The following PDE8A variants were observed in gnomAD, a reference collection of about 807,000 sequenced individuals.
The protein encoded by PDE8A is high affinity cAMP-specific and IBMX-insensitive 3',5'-cyclic phosphodiesterase 8A.
In PDE8A, 59 loss-of-function variants were observed where a neutral mutation model predicts 105.0. The ratio of observed to expected loss-of-function variants is 0.56; its 90% CI spans 0.46 to 0.70. The LOEUF (loss-of-function observed/expected upper bound fraction) is 0.70, where lower values mean the gene tolerates loss of function less well. PDE8A is among the 30% of genes least tolerant of loss of function. The pLI, the probability that PDE8A is intolerant of heterozygous loss-of-function variation, is 0.00. For missense variants in PDE8A, 1,014 were observed against 1,045.9 expected (o/e 0.97, Z 0.42); for synonymous variants, 355 against 371.9 (o/e 0.95, Z 0.52).
At chr15:85,065,093 T>C (rs2081201285) in intron 2 of PDE8A, among the ~76,000 whole-genome samples, 1 of 152,074 alleles carries the variant, frequency 6.6e-6, no homozygotes, top group African/African-American at 2.4e-5. Context: ...AAATGTTAAT[T>C]GATGAATGTA....
At chr15:85,050,398 T>C (rs563166804) in intron 1 of PDE8A, among the ~76,000 whole-genome samples, 5 of 152,278 alleles carry the variant, frequency 3.3e-5, no homozygotes, top group African/African-American at 1.2e-4. Context: ...CCAAGTCTAG[T>C]GTTGTGAAGA....
chr15:85,036,053 G>A (rs2080701339), intron 1 of PDE8A, among the ~76,000 whole-genome samples: 1 of 152,208 alleles, frequency 6.6e-6, no homozygotes. Flanking sequence ...ATATTTAGAA[G>A]TTATGGAACT....
intron 1 of PDE8A, among the ~76,000 whole-genome samples, chr15:85,053,445 A>G (rs1046511217): frequency 2.6e-5 from 4 of 152,162 alleles, no homozygotes; most frequent in African/African-American, 9.7e-5. Context: ...GATTCTTCCT[A>G]TCTGTGAGCA....
chr15:85,123,441 G>A (rs1376291320), intron 19 of PDE8A, among the ~76,000 whole-genome samples: 2 of 151,648 alleles, frequency 1.3e-5, no homozygotes, highest in African/African-American at 4.9e-5. Context: ...ACAATAGGCT[G>A]TCTGCAAGCT....
intron 1 of PDE8A, among the ~76,000 whole-genome samples, chr15:85,017,650 G>C (rs918048459): frequency 6.6e-6 from 1 of 152,128 alleles, no homozygotes; most frequent in African/African-American, 2.4e-5. Flanking sequence ...ACTTTGGGAG[G>C]CTGAGGCGGG....
At chr15:84,986,388 G>T (rs2079802949) in intron 1 of PDE8A, among the ~76,000 whole-genome samples, 1 of 152,012 alleles carries the variant, frequency 6.6e-6, no homozygotes, top group Non-Finnish European at 1.5e-5. Context: ...CTTTGCTTCT[G>T]TCATTCACTT....
Position 85,117,762 on chromosome 15 carries a change from A to G in PDE8A, c.1657A>G (p.Asn553Asp). The change falls in exon 17 of 22, where the codon AAT (asparagine) becomes GAT (aspartate). Residue 553 changes from asparagine (N) to aspartate (D), a missense_variant. Asn to Asp is a conservative substitution (Grantham distance 23, BLOSUM62 1). Coordinates refer to ENST00000394553, the MANE Select transcript of PDE8A (RefSeq NM_002605.3). ...QIIEANYHSSNPYHNSTHSAD... is the reference protein window; with the variant it reads ...QIIEANYHSSDPYHNSTHSAD... ...TATCGAAGCCAATTATCATTCCTCC[A>G]ATCCCTACCACAATTCTACACATTC... 6.2e-7 allele frequency: 1 copy of G among 1,613,932 alleles called. No homozygotes were observed.
At chr15:85,009,106 AGAGAGT>A (rs1316848967) in intron 1 of PDE8A, among the ~76,000 whole-genome samples, 64 of 25,996 alleles carry the variant, frequency 2.5e-3, no homozygotes, top group Middle Eastern at 0.017. Context: ...AGAGAGAGAG[AGAGAGT>A]GTGTGTGTGT....
intron 1 of PDE8A, among the ~76,000 whole-genome samples, chr15:85,051,761 C>G (rs1033426737): frequency 1.3e-5 from 2 of 152,072 alleles, no homozygotes; most frequent in African/African-American, 4.8e-5. Context: ...GCTTCCAGCT[C>G]CATCCGTGTT....
intron 1 of PDE8A, among the ~76,000 whole-genome samples, chr15:84,994,892 G>C (rs943461415): frequency 2.6e-5 from 4 of 151,716 alleles, no homozygotes; most frequent in African/African-American, 9.7e-5. Flanking sequence ...AACCCAGGAG[G>C]CAGAGGCTGC....
At position 85,033,757 on chromosome 15, in the gene PDE8A, C is replaced by T. The variant is rs532709824; in HGVS notation, c.187-30613C>T. ...GCGGGCGCCTGTAATCCCAGCTGTT[C>T]GGGAGGCTGAGGCAGGAGAATCGCT... On this transcript the variant is annotated intron_variant, in intron 1 of 21. Transcript: ENST00000394553. Among the ~76,000 whole-genome samples the T allele has an allele frequency of 1.4e-4, 22 of 152,134 alleles. No individual in the cohort carries two copies. In the East Asian group the frequency reaches 1.7e-3, roughly 12 times the overall value.
chr15:85,089,824 C>T (rs953300438), intron 7 of PDE8A, among the ~76,000 whole-genome samples: 1 of 152,134 alleles, frequency 6.6e-6, no homozygotes, highest in African/African-American at 2.4e-5. Flanking sequence ...TTTGCACTTA[C>T]AGAAATATAC....
Position 84,982,302 on chromosome 15 carries a change from G to T in PDE8A, c.140G>T (p.Gly47Val). 2.9e-6 allele frequency: 4 copies of T among 1,370,072 alleles called. No homozygotes were observed. The highest frequency in any genetic ancestry group is 3.9e-5 in the Admixed American group (1 of 25,398). 84.9% of individuals were successfully genotyped at this position (1,370,072 alleles called of 1,614,324 possible). The change falls in exon 1 of 22, where the codon GGC becomes GTC. Residue 47 changes from glycine to valine, a missense_variant. By Grantham distance (109) the Gly-to-Val change is moderately radical. Transcript: ENST00000394553. ...QKTAALPRTRGAGLLESELRD... is the reference protein window; with the variant it reads ...QKTAALPRTRVAGLLESELRD... ...ACGGCCGCCTTGCCCCGGACCCGCG[G>T]CGCCGGCCTCTTGGAGTCGGAGCTT... is the stretch of plus-strand genomic sequence containing the variant.
At chr15:85,116,617 C>T (rs149312107) in intron 16 of PDE8A, among the ~76,000 whole-genome samples, 240 of 152,208 alleles carry the variant, frequency 1.6e-3, no homozygotes, top group African/African-American at 5.5e-3. Flanking sequence ...TTTTCCCTTG[C>T]GGGAGAAGAG....
rs187536843 is a variant in PDE8A at position 85,040,834 on chromosome 15, C to T, written c.187-23536C>T. Among the ~76,000 whole-genome samples, 484 of 152,282 alleles carry T rather than the reference C, an allele frequency of 3.2e-3. 3 individuals carry two copies. Among genetic ancestry groups the T allele is most frequent in the African/African-American group, 0.011 (454 of 41,556 alleles). ...TTGGCCTCCCAAAATGCTGGGATTA[C>T]AGGCGTGAACCACCACACCCGGCCT... On this transcript the variant is annotated intron_variant, in intron 1 of 21. Coordinates refer to ENST00000394553, the MANE Select transcript of PDE8A (RefSeq NM_002605.3).
At chr15:85,087,929 A>AT (rs1465387218) in intron 6 of PDE8A, among the ~76,000 whole-genome samples, 3 of 152,248 alleles carry the variant, frequency 2.0e-5, no homozygotes, top group African/African-American at 7.2e-5. Context: ...ACGTCTGGGT[A>AT]TTGGGATTTC....
At chr15:85,055,308 T>C (rs139961919) in intron 1 of PDE8A, among the ~76,000 whole-genome samples, 1 of 152,220 alleles carries the variant, frequency 6.6e-6, no homozygotes, top group African/African-American at 2.4e-5. Context: ...TGGAGAGTTC[T>C]GTAGATGTCT....
chr15:85,135,001 G>T (rs931417111), intron 20 of PDE8A, among the ~76,000 whole-genome samples: 2 of 152,168 alleles, frequency 1.3e-5, no homozygotes, highest in South Asian at 2.1e-4. Flanking sequence ...GCTGCGGTGG[G>T]GGGAGAGAGA....
intron 1 of PDE8A, among the ~76,000 whole-genome samples, chr15:85,003,462 CACAGA>C (rs1567223452): frequency 6.6e-6 from 1 of 152,196 alleles, no homozygotes; most frequent in Non-Finnish European, 1.5e-5. Context: ...CAACAACTTT[CACAGA>C]ACAGGATAGT....
Sources: allele counts gnomAD v4.1 joint callset (sites outside exome capture counted in the v4.1 genomes callset), GRCh38; gene constraint gnomAD v4.1.1; transcripts MANE v1.5; gene names NCBI Gene and HGNC (gene_info 2026-07-23, HGNC 2026-07-21).